Variants in NALF1 observed in about 807,000 individuals in gnomAD.
NALF1 encodes family with sequence similarity 155 member A.
Under a neutral mutation model 48.4 loss-of-function variants are expected in NALF1, and 3 were observed. The ratio of observed to expected loss-of-function variants is 0.06; its 90% CI spans 0.03 to 0.16. NALF1 has a LOEUF of 0.16. Ranked by LOEUF, NALF1 falls within the 10% of genes least tolerant of loss-of-function variation. The probability of loss-of-function intolerance (pLI) is 1.00; values close to 1 mark genes in which losing one functional copy is unlikely to be tolerated. For missense variants in NALF1, 526 were observed against 571.5 expected (o/e 0.92, Z 0.81); for synonymous variants, 262 against 245.7 (o/e 1.07, Z -0.62).
At chr13:107,670,854 G>A (rs1880974011) in intron 1 of NALF1, among the ~76,000 whole-genome samples, 2 of 152,212 alleles carry the variant, frequency 1.3e-5, no homozygotes, top group South Asian at 4.1e-4. Context: ...GTTAAAATTT[G>A]GAAGTGAGAT....
At chr13:107,501,670 T>G (rs1875529146) in intron 1 of NALF1, among the ~76,000 whole-genome samples, 1 of 152,136 alleles carries the variant, frequency 6.6e-6, no homozygotes, top group Admixed American at 6.5e-5. Context: ...ATGTGTATGG[T>G]TTAAGAAGGC....
chr13:107,847,584 T>C (rs981017342), intron 1 of NALF1, among the ~76,000 whole-genome samples: 2 of 152,198 alleles, frequency 1.3e-5, no homozygotes, highest in African/African-American at 4.8e-5. Flanking sequence ...AGCTGCCAGA[T>C]TGTAAGCTAC....
chr13:107,758,725 GAAAAAAAT>G (rs936835488), intron 1 of NALF1, among the ~76,000 whole-genome samples: 4 of 151,146 alleles, frequency 2.6e-5, no homozygotes, highest in Non-Finnish European at 5.9e-5. Flanking sequence ...ATCTCAAAAA[GAAAAAAAT>G]AAAAAGAAAA....
chr13:107,786,902 C>T (rs73585673), intron 1 of NALF1, among the ~76,000 whole-genome samples: 3,690 of 152,160 alleles, frequency 0.024, 120 homozygotes, highest in African/African-American at 0.084. Context: ...GAGCTGAGAG[C>T]GGAGCAAACA....
At chr13:107,248,215 G>A (rs920523225) in intron 1 of NALF1, among the ~76,000 whole-genome samples, 22 of 148,978 alleles carry the variant, frequency 1.5e-4, no homozygotes, top group Admixed American at 2.6e-4. Flanking sequence ...AAAGGAGATC[G>A]TCATAGGGCA....
chr13:107,561,532 C>G (rs1331859099), intron 1 of NALF1, among the ~76,000 whole-genome samples: 2 of 152,180 alleles, frequency 1.3e-5, no homozygotes, highest in Non-Finnish European at 2.9e-5. Flanking sequence ...AATGGTAATT[C>G]TGAATTACTC....
chr13:107,383,733 T>C (rs1391006818), intron 1 of NALF1, among the ~76,000 whole-genome samples: 1 of 152,238 alleles, frequency 6.6e-6, no homozygotes, highest in African/African-American at 2.4e-5. Context: ...CCTGACAACA[T>C]GCACTTGTTC....
intron 1 of NALF1, among the ~76,000 whole-genome samples, chr13:107,690,306 G>C (rs1881538459): frequency 6.6e-6 from 1 of 152,178 alleles, no homozygotes. Context: ...AAAAGAAAAA[G>C]AGTTACAGTG....
At chr13:107,532,130 C>T (rs1004533209) in intron 1 of NALF1, among the ~76,000 whole-genome samples, 31 of 151,988 alleles carry the variant, frequency 2.0e-4, no homozygotes, top group Admixed American at 7.9e-4. Context: ...GCTAGGTTCT[C>T]CTCCAAGTTT....
At chr13:107,259,355 G>A (rs1288361477) in intron 1 of NALF1, among the ~76,000 whole-genome samples, 1 of 152,148 alleles carries the variant, frequency 6.6e-6, no homozygotes, top group African/African-American at 2.4e-5. Context: ...TTTCTGCGCT[G>A]GATCCTCTGG....
Position 107,266,840 on chromosome 13 carries a change from A to G in NALF1, c.916-56085T>C, listed in dbSNP as rs1214062833. 2.6e-5 allele frequency among the ~76,000 whole-genome samples: 4 copies of G among 152,246 alleles called. No homozygotes were observed. The East Asian group carries it at 7.7e-4, about 29-fold the overall frequency. ...AAGTTTTCTTCAGATTAGGTTCACC[A>G]TGAGTATTTCCCAGAGATATGCATG... On this transcript the variant is annotated intron_variant, in intron 1 of 2. Coordinates refer to ENST00000375915, the MANE Select transcript of NALF1 (RefSeq NM_001080396.3).
intron 1 of NALF1, among the ~76,000 whole-genome samples, chr13:107,726,382 C>CA (rs1348111474): frequency 6.6e-6 from 1 of 151,822 alleles, no homozygotes; most frequent in South Asian, 2.1e-4. Context: ...TCCTTGAAGC[C>CA]AAGTAAATTA....
intron 1 of NALF1, among the ~76,000 whole-genome samples, chr13:107,786,740 AAAAG>A (rs1048891947): frequency 1.7e-4 from 26 of 152,154 alleles, no homozygotes; most frequent in Non-Finnish European, 3.4e-4. Flanking sequence ...CTCAGAAAAA[AAAAG>A]AGAGAGAGAG....
chr13:107,710,804 T>C (rs567286970), intron 1 of NALF1, among the ~76,000 whole-genome samples: 4 of 104,110 alleles, frequency 3.8e-5, no homozygotes, highest in East Asian at 6.6e-4. Flanking sequence ...TATGTATATA[T>C]ACATATATGT....
At chr13:107,693,340 G>GGGA (rs1881613228) in intron 1 of NALF1, among the ~76,000 whole-genome samples, 1 of 131,160 alleles carries the variant, frequency 7.6e-6, no homozygotes, top group African/African-American at 2.7e-5. Flanking sequence ...GGGGGGGCGG[G>GGGA]AGGGATAGCA....
chr13:107,186,152 A>G (rs1376032559), intron 2 of NALF1, among the ~76,000 whole-genome samples: 1 of 152,164 alleles, frequency 6.6e-6, no homozygotes, highest in East Asian at 1.9e-4. Context: ...CTGAAAAAAT[A>G]TAGTATACAA....
intron 1 of NALF1, among the ~76,000 whole-genome samples, chr13:107,507,421 T>G (rs1271266580): frequency 6.6e-6 from 1 of 151,898 alleles, no homozygotes; most frequent in Non-Finnish European, 1.5e-5. Flanking sequence ...GGTAGCTTTT[T>G]TTTGTTTGTT....
At chr13:107,785,050 GTGTA>G (rs1878030657) in intron 1 of NALF1, among the ~76,000 whole-genome samples, 1 of 151,688 alleles carries the variant, frequency 6.6e-6, no homozygotes, top group African/African-American at 2.4e-5. Flanking sequence ...TGTGGTGTGT[GTGTA>G]TGTGTCTGTG....
chr13:107,804,043 C>A lies in NALF1; in HGVS notation c.915+61639G>T, dbSNP rs575833859. Among the ~76,000 whole-genome samples, 4 of 152,284 alleles carry A rather than the reference C, an allele frequency of 2.6e-5. No individual in the cohort carries two copies. In the East Asian group the frequency reaches 7.7e-4, roughly 29 times the overall value. On this transcript the variant is annotated intron_variant, in intron 1 of 2. Coordinates refer to ENST00000375915, the MANE Select transcript of NALF1 (RefSeq NM_001080396.3). ...TGCCACATCCGGCCCACTCCCCCACCCCAGTGTCACAATTGTGTCCTCTTT... is the reference window on the plus strand; with the variant it reads ...TGCCACATCCGGCCCACTCCCCCACACCAGTGTCACAATTGTGTCCTCTTT...
Sources: allele counts gnomAD v4.1 joint callset (sites outside exome capture counted in the v4.1 genomes callset), GRCh38; gene constraint gnomAD v4.1.1; transcripts MANE v1.5; gene names NCBI Gene and HGNC (gene_info 2026-07-23, HGNC 2026-07-21).